Variants in RAD51B observed in about 807,000 individuals in gnomAD.
RAD51B encodes DNA repair protein RAD51 homolog 2.
Under a neutral mutation model 42.2 loss-of-function variants are expected in RAD51B, and 38 were observed. That is an observed-to-expected ratio of 0.90 (90% CI 0.70 to 1.18). The LOEUF is 1.18. Among genes scored for constraint, RAD51B ranks in the 50% most tolerant of loss-of-function variants. The pLI is 0.00. For missense variants in RAD51B, 373 were observed against 400.7 expected, an observed-to-expected ratio of 0.93 and a Z score of 0.59; for synonymous variants, 154 against 145.2, an observed-to-expected ratio of 1.06 and a Z score of -0.43.
intron 10 of RAD51B, among the ~76,000 whole-genome samples, chr14:68,495,155 T>A (rs1022042894): frequency 6.6e-6 from 1 of 152,204 alleles, no homozygotes; most frequent in Non-Finnish European, 1.5e-5. Flanking sequence ...GTCAGATGAA[T>A]CAGCATCTGT....
At chr14:68,083,660 A>T (rs912247320) in intron 7 of RAD51B, among the ~76,000 whole-genome samples, 2 of 152,230 alleles carry the variant, frequency 1.3e-5, no homozygotes, top group African/African-American at 4.8e-5. Context: ...TTACTTATTA[A>T]AGATAAAAAT....
chr14:68,378,548 C>G (rs1053539866), intron 8 of RAD51B, among the ~76,000 whole-genome samples: 38 of 152,288 alleles, frequency 2.5e-4, no homozygotes, highest in African/African-American at 8.7e-4. Context: ...TTGCATATAA[C>G]CTATGCACAT....
intron 7 of RAD51B, among the ~76,000 whole-genome samples, chr14:68,151,842 T>A (rs1404372497): frequency 1.7e-5 from 2 of 117,198 alleles, no homozygotes; most frequent in African/African-American, 3.3e-5. Flanking sequence ...TTTTTTTTTT[T>A]TTTTTTTTTT....
chr14:68,089,953 A>C (rs2077062128), intron 7 of RAD51B, among the ~76,000 whole-genome samples: 1 of 152,098 alleles, frequency 6.6e-6, no homozygotes. Flanking sequence ...AAATTATATT[A>C]TTTTAGATTT....
At chr14:68,195,384 A>T (rs2079348110) in intron 7 of RAD51B, among the ~76,000 whole-genome samples, 1 of 144,536 alleles carries the variant, frequency 6.9e-6, no homozygotes, top group African/African-American at 2.5e-5. Flanking sequence ...CATATTTACC[A>T]TCTCAGCTTC....
At chr14:68,347,093 AT>A (rs141008089) in intron 8 of RAD51B, among the ~76,000 whole-genome samples, 37 of 146,860 alleles carry the variant, frequency 2.5e-4, no homozygotes, top group East Asian at 4.0e-4. Flanking sequence ...TCCTCAACAC[AT>A]TTTTTTTTTC....
At chr14:68,610,225 CTCT>C (rs1195237932) in intron 10 of RAD51B, among the ~76,000 whole-genome samples, 4 of 152,304 alleles carry the variant, frequency 2.6e-5, no homozygotes, top group Non-Finnish European at 1.5e-5. Context: ...ACCCAGCATT[CTCT>C]TCATCTCTTT....
chr14:67,919,897 A>C (rs2044267534), intron 7 of RAD51B, among the ~76,000 whole-genome samples: 1 of 152,192 alleles, frequency 6.6e-6, no homozygotes. Context: ...GCAAAGCAAG[A>C]GCTTGGGGCT....
intron 8 of RAD51B, among the ~76,000 whole-genome samples, chr14:68,373,133 A>G (rs2083294715): frequency 6.6e-6 from 1 of 152,258 alleles, no homozygotes; most frequent in Admixed American, 6.5e-5. Flanking sequence ...GTAGTACTAT[A>G]GTAATTAAAT....
intron 10 of RAD51B, among the ~76,000 whole-genome samples, chr14:68,518,674 A>AAT (rs1406894834): frequency 6.6e-6 from 1 of 152,004 alleles, no homozygotes; most frequent in East Asian, 1.9e-4. Context: ...AAGCTTATCA[A>AAT]ATGAAGGCAG....
intron 11 of RAD51B, among the ~76,000 whole-genome samples, chr14:68,652,477 T>A (rs1892722942): frequency 6.6e-6 from 1 of 152,204 alleles, no homozygotes; most frequent in African/African-American, 2.4e-5. Flanking sequence ...AGGGATCCCG[T>A]CTAGAGAAGA....
chr14:67,918,197 G>A (rs1426872733), intron 7 of RAD51B, among the ~76,000 whole-genome samples: 2 of 152,066 alleles, frequency 1.3e-5, no homozygotes, highest in Non-Finnish European at 1.5e-5. Flanking sequence ...GATTTTCAGA[G>A]AGAGAGAGAG....
At chr14:68,457,198 C>T (rs572924681) in intron 9 of RAD51B, among the ~76,000 whole-genome samples, 10 of 151,958 alleles carry the variant, frequency 6.6e-5, no homozygotes, top group Admixed American at 4.6e-4. Context: ...TAGATGTGAG[C>T]CAACACGCCC....
At chr14:68,640,731 A>T (rs369202007) in intron 10 of RAD51B, among the ~76,000 whole-genome samples, 23 of 152,356 alleles carry the variant, frequency 1.5e-4, no homozygotes, top group African/African-American at 4.8e-4. Context: ...GTATTCCACA[A>T]CTAAGGAAAT....
chr14:67,926,960 T>C (rs886879324), intron 7 of RAD51B, among the ~76,000 whole-genome samples: 2 of 152,210 alleles, frequency 1.3e-5, no homozygotes, highest in African/African-American at 4.8e-5. Context: ...AAGTATGGAT[T>C]GTGAAAACCT....
intron 7 of RAD51B, among the ~76,000 whole-genome samples, chr14:68,199,792 A>C (rs1047396053): frequency 4.2e-4 from 64 of 152,144 alleles, no homozygotes; most frequent in Non-Finnish European, 4.9e-4. Context: ...TGGCTAAGCC[A>C]AGGGAACATC....
intron 10 of RAD51B, chr14:68,563,241 C>G: frequency 1.0e-6 from 1 of 985,390 alleles, no homozygotes. Context: ...CACATCATTA[C>G]CTGCAGAGTT....
chr14:68,022,396 G>A (rs1006188192), intron 7 of RAD51B, among the ~76,000 whole-genome samples: 2 of 152,162 alleles, frequency 1.3e-5, no homozygotes, highest in African/African-American at 2.4e-5. Context: ...ATGAACATAT[G>A]AGTGCCTGTG....
At chr14:68,357,251 T>A (rs2139897313) in intron 8 of RAD51B, among the ~76,000 whole-genome samples, 1 of 152,346 alleles carries the variant, frequency 6.6e-6, no homozygotes, top group African/African-American at 2.4e-5. Context: ...TCTTTGCTTA[T>A]CCAAAAGAAG....
Sources: allele counts gnomAD v4.1 joint callset (sites outside exome capture counted in the v4.1 genomes callset), GRCh38; gene constraint gnomAD v4.1.1; transcripts MANE v1.5; gene names NCBI Gene and HGNC (gene_info 2026-07-23, HGNC 2026-07-21).